DLGAP4: variants seen among roughly 807,000 people sequenced by gnomAD.
DLGAP4 encodes the protein disks large-associated protein 4.
A neutral mutation model predicts 86.9 loss-of-function variants in DLGAP4; 18 were observed. The ratio of observed to expected loss-of-function variants is 0.21; its 90% CI spans 0.14 to 0.31. The LOEUF (loss-of-function observed/expected upper bound fraction) is 0.31, where lower values mean the gene tolerates loss of function less well. DLGAP4 is among the 10% of genes least tolerant of loss of function. DLGAP4 has a pLI of 1.00. For missense variants in DLGAP4, 1,085 were observed against 1,362.6 expected (o/e 0.80, Z 3.21); for synonymous variants, 548 against 574.3 (o/e 0.95, Z 0.65).
intron 1 of DLGAP4, among the ~76,000 whole-genome samples, chr20:36,336,667 C>T (rs1211729604): frequency 6.6e-6 from 1 of 152,132 alleles, no homozygotes; most frequent in Non-Finnish European, 1.5e-5. Context: ...CAATGGGGGT[C>T]CAGCAGTCCC....
intron 2 of DLGAP4, among the ~76,000 whole-genome samples, chr20:36,375,433 T>C (rs183648635): frequency 1.7e-3 from 263 of 152,314 alleles, no homozygotes; most frequent in Non-Finnish European, 3.2e-3. Context: ...CTTCATTTAG[T>C]CATTCATCCC....
At chr20:36,457,385 ATTT>A (rs869167974) in intron 7 of DLGAP4, among the ~76,000 whole-genome samples, 66 of 126,306 alleles carry the variant, frequency 5.2e-4, no homozygotes, top group African/African-American at 1.7e-3. Flanking sequence ...CGCCCGGCTA[ATTT>A]TTTTTTTTTT....
At chr20:36,386,636 G>A (rs1361590128) in intron 2 of DLGAP4, among the ~76,000 whole-genome samples, 2 of 152,198 alleles carry the variant, frequency 1.3e-5, no homozygotes, top group Non-Finnish European at 1.5e-5. Flanking sequence ...CCAGACTAGA[G>A]TGCAGTGGTG....
chr20:36,481,814 G>A (rs2035198426), intron 7 of DLGAP4, among the ~76,000 whole-genome samples: 1 of 152,194 alleles, frequency 6.6e-6, no homozygotes, highest in South Asian at 2.1e-4. Context: ...ATTATCCAGA[G>A]TTCAGTGGGG....
intron 1 of DLGAP4, among the ~76,000 whole-genome samples, chr20:36,361,673 T>C (rs1250705582): frequency 2.0e-5 from 3 of 151,984 alleles, no homozygotes; most frequent in Non-Finnish European, 4.4e-5. Context: ...TAGGAGGTTT[T>C]TTAAAAAGAT....
chr20:36,388,227 C>T (rs1016640438), intron 2 of DLGAP4, among the ~76,000 whole-genome samples: 1 of 152,232 alleles, frequency 6.6e-6, no homozygotes, highest in African/African-American at 2.4e-5. Flanking sequence ...TCTCTTCGCA[C>T]TCTGCTTTGC....
rs1033414845 is a variant in DLGAP4 at position 36,369,216 on chromosome 20, G to A, written c.-73+1941G>A. ...CTCCAGGGCAGAGGCAGCCAGGAGT[G>A]CTGGGTCCTGAGACCCAGAGACCTG... On this transcript the variant is annotated intron_variant, in intron 2 of 12. Transcript: ENST00000339266. Among the ~76,000 whole-genome samples the A allele has an allele frequency of 7.2e-5, 11 of 152,348 alleles. No individual in the cohort carries two copies. The South Asian group carries it at 1.0e-3, about 14-fold the overall frequency.
chr20:36,355,294 C>A (rs1385263620), intron 1 of DLGAP4, among the ~76,000 whole-genome samples: 3 of 148,630 alleles, frequency 2.0e-5, no homozygotes, highest in Non-Finnish European at 4.5e-5. Context: ...TTCTTTCTTT[C>A]TTTCTTTTTT....
intron 2 of DLGAP4, among the ~76,000 whole-genome samples, chr20:36,392,769 G>A (rs1455234371): frequency 2.6e-5 from 4 of 152,230 alleles, no homozygotes; most frequent in East Asian, 1.9e-4. Context: ...TGTAACAGAC[G>A]GGACCCAACC....
chr20:36,469,551 G>A (rs1349762389), intron 7 of DLGAP4, among the ~76,000 whole-genome samples: 4 of 152,012 alleles, frequency 2.6e-5, no homozygotes, highest in African/African-American at 9.7e-5. Context: ...TCAGGAGTTC[G>A]AGACCAGCCT....
chr20:36,348,301 A>G (rs1405577435), intron 1 of DLGAP4, among the ~76,000 whole-genome samples: 5 of 152,210 alleles, frequency 3.3e-5, no homozygotes, highest in African/African-American at 1.2e-4. Flanking sequence ...ATTACTCTTC[A>G]TTCATTTATC....
chr20:36,384,056 G>T (rs1228017074), intron 2 of DLGAP4, among the ~76,000 whole-genome samples: 1 of 133,926 alleles, frequency 7.5e-6, no homozygotes. Flanking sequence ...TAAATGTGGG[G>T]CAAGTAACTA....
At chr20:36,402,786 C>T (rs2032200828) in intron 2 of DLGAP4, among the ~76,000 whole-genome samples, 1 of 152,170 alleles carries the variant, frequency 6.6e-6, no homozygotes, top group Admixed American at 6.5e-5. Flanking sequence ...TCATTTACTC[C>T]TCCTAGTCAC....
At chr20:36,487,898 G>A (rs565164499) in intron 7 of DLGAP4, among the ~76,000 whole-genome samples, 1 of 152,224 alleles carries the variant, frequency 6.6e-6, no homozygotes, top group East Asian at 1.9e-4. Flanking sequence ...TAAAACAACT[G>A]CCATGTAAAA....
chr20:36,501,592 C>T (rs918038885), intron 10 of DLGAP4, among the ~76,000 whole-genome samples: 1 of 150,866 alleles, frequency 6.6e-6, no homozygotes, highest in African/African-American at 2.4e-5. Flanking sequence ...AAGGCAGGTC[C>T]TGGGAAGCTC....
chr20:36,356,675 T>TAA lies in DLGAP4; in HGVS notation c.-303-10353_-303-10352dup, dbSNP rs781791220. The stretch of plus-strand genomic sequence containing the variant: ...ATGGCCTATGGGCAGCCTGTTTTTG[T>TAA]AAAAAAAAAAAAAAAAAAGTTAGAA... On this transcript the variant is annotated intron_variant, in intron 1 of 12. Coordinates refer to ENST00000339266, the MANE Select transcript of DLGAP4 (RefSeq NM_001365621.2). Among the ~76,000 whole-genome samples the TAA allele has an allele frequency of 4.5e-4, 58 of 128,758 alleles. 1 individual carries two copies. Among genetic ancestry groups the TAA allele is most frequent in the African/African-American group, 1.4e-3 (51 of 35,342 alleles). 84.5% of individuals were successfully genotyped at this position (128,758 alleles called of 152,430 possible).
intron 10 of DLGAP4, chr20:36,508,415 C>T (rs1321274297): frequency 7.1e-6 from 1 of 141,594 alleles, no homozygotes; most frequent in Non-Finnish European, 1.5e-5. Flanking sequence ...ACTGATGTTT[C>T]AGGGTTCTTT....
At chr20:36,365,640 A>G (rs1325285676) in intron 1 of DLGAP4, among the ~76,000 whole-genome samples, 2 of 152,122 alleles carry the variant, frequency 1.3e-5, no homozygotes, top group East Asian at 3.9e-4. Flanking sequence ...TAGAGATGAC[A>G]TTGTAAGGCT....
intron 2 of DLGAP4, among the ~76,000 whole-genome samples, chr20:36,424,419 CTT>C (rs2032916937): frequency 6.6e-6 from 1 of 152,188 alleles, no homozygotes; most frequent in African/African-American, 2.4e-5. Context: ...AGTTCTGTAT[CTT>C]GGACCTGTCA....
Sources: gnomAD v4.1 joint callset for allele counts (sites outside exome capture counted in the v4.1 genomes callset) on GRCh38, gnomAD v4.1.1 for gene constraint, MANE v1.5 for transcripts, NCBI Gene and HGNC (gene_info 2026-07-23, HGNC 2026-07-21) for gene names.